PRKN: variants seen among roughly 807,000 people sequenced by gnomAD.
PRKN encodes E3 ubiquitin-protein ligase parkin.
Under a neutral mutation model 59.5 loss-of-function variants are expected in PRKN, and 56 were observed. The ratio of observed to expected loss-of-function variants is 0.94; its 90% CI spans 0.76 to 1.18. The LOEUF is 1.18. Ranked by LOEUF, PRKN falls within the 50% of genes most tolerant of loss-of-function variation. PRKN has a pLI of 0.00. For synonymous variants in PRKN, 250 were observed against 222.1 expected (o/e 1.13, Z -1.12); for missense variants, 657 against 596.4 (o/e 1.10, Z -1.06).
chr6:161,432,208 T>C (rs996579208), intron 9 of PRKN, among the ~76,000 whole-genome samples: 6 of 152,220 alleles, frequency 3.9e-5, no homozygotes, highest in African/African-American at 2.4e-5. Flanking sequence ...TGTGAAATGG[T>C]TAAATGAATA....
intron 1 of PRKN, among the ~76,000 whole-genome samples, chr6:162,706,655 G>C (rs1230493267): frequency 6.6e-6 from 1 of 151,982 alleles, no homozygotes; most frequent in African/African-American, 2.4e-5. Flanking sequence ...GGTAACATGG[G>C]GACCACAATA....
At chr6:162,474,764 T>A (rs1369629319) in intron 1 of PRKN, among the ~76,000 whole-genome samples, 2 of 152,118 alleles carry the variant, frequency 1.3e-5, no homozygotes, top group African/African-American at 2.4e-5. Flanking sequence ...ACTCTGAATA[T>A]CAAGTGATCA....
intron 1 of PRKN, among the ~76,000 whole-genome samples, chr6:162,476,057 C>CTTTTT (rs765988655): frequency 8.8e-6 from 1 of 113,020 alleles, no homozygotes; most frequent in Admixed American, 9.5e-5. Context: ...TAACACCACT[C>CTTTTT]TTTTTTTTTT....
chr6:162,095,079 T>C lies in PRKN; in HGVS notation c.535-40905A>G, dbSNP rs546296668. On this transcript the variant is annotated intron_variant, in intron 4 of 11. Transcript: ENST00000366898. ...AAAAACAAAGAAGGCTGAAGATGGC[T>C]GGGGTGAAGCCATCTTTCTACTGGG... 1.6e-4 allele frequency among the ~76,000 whole-genome samples: 24 copies of C among 152,260 alleles called. No homozygotes were observed. In the South Asian group the frequency reaches 2.9e-3, roughly 18 times the overall value.
intron 9 of PRKN, among the ~76,000 whole-genome samples, chr6:161,500,212 C>T (rs1777907117): frequency 6.6e-6 from 1 of 151,906 alleles, no homozygotes; most frequent in African/African-American, 2.4e-5. Flanking sequence ...AGAGAGCTCC[C>T]CTCTCCCCTC....
Position 162,256,083 on chromosome 6 carries a change from T to C in PRKN, c.412+6442A>G, listed in dbSNP as rs536044257. 6.7e-4 allele frequency among the ~76,000 whole-genome samples: 102 copies of C among 152,194 alleles called. 2 individuals carry two copies. In the South Asian group the frequency reaches 0.02, roughly 29 times the overall value. On this transcript the variant is annotated intron_variant, in intron 3 of 11. Coordinates refer to ENST00000366898, the MANE Select transcript of PRKN (RefSeq NM_004562.3). Reference sequence around the variant, plus strand: ...TGGGGATTGAGGAAGAATTGTAAGATCTTACAGAGCATCAGAGGTATCATT... The same window carrying C: ...TGGGGATTGAGGAAGAATTGTAAGACCTTACAGAGCATCAGAGGTATCATT...
chr6:161,472,796 T>G (rs1790858159), intron 9 of PRKN, among the ~76,000 whole-genome samples: 1 of 151,970 alleles, frequency 6.6e-6, no homozygotes, highest in Non-Finnish European at 1.5e-5. Context: ...TGCCTACAAC[T>G]CAATAGCAAA....
chr6:162,518,151 A>C (rs1032070449), intron 1 of PRKN, among the ~76,000 whole-genome samples: 2 of 152,232 alleles, frequency 1.3e-5, no homozygotes, highest in African/African-American at 2.4e-5. Flanking sequence ...TGGAACACTC[A>C]CATGGTGAGC....
chr6:161,493,605 A>T (rs920543298), intron 9 of PRKN, among the ~76,000 whole-genome samples: 1 of 152,230 alleles, frequency 6.6e-6, no homozygotes. Flanking sequence ...GTGGCAATGA[A>T]CAAAGAAGGG....
intron 2 of PRKN, among the ~76,000 whole-genome samples, chr6:162,417,778 G>T (rs2128157857): frequency 6.6e-6 from 1 of 152,280 alleles, no homozygotes; most frequent in Admixed American, 6.5e-5. Context: ...CTTCTGTTGA[G>T]AAATCAAGAG....
chr6:162,076,874 ACTTT>A (rs1436217209), intron 4 of PRKN, among the ~76,000 whole-genome samples: 1 of 152,160 alleles, frequency 6.6e-6, no homozygotes, highest in Non-Finnish European at 1.5e-5. Context: ...TAAATCATTG[ACTTT>A]CTTAACTTTT....
intron 9 of PRKN, among the ~76,000 whole-genome samples, chr6:161,513,783 C>T (rs556649028): frequency 1.1e-4 from 17 of 152,192 alleles, no homozygotes; most frequent in African/African-American, 2.9e-4. Context: ...TACTTTACAA[C>T]GAGCATGGGA....
At chr6:162,441,704 C>T (rs1790061359) in intron 2 of PRKN, among the ~76,000 whole-genome samples, 1 of 152,168 alleles carries the variant, frequency 6.6e-6, no homozygotes, top group East Asian at 1.9e-4. Flanking sequence ...CTTTTGGATC[C>T]CCTGAGAAGC....
At chr6:162,637,239 A>G (rs1426670765) in intron 1 of PRKN, among the ~76,000 whole-genome samples, 1 of 151,078 alleles carries the variant, frequency 6.6e-6, no homozygotes, top group East Asian at 2.0e-4. Context: ...CCCTGGTGAC[A>G]GTGCAAGACT....
intron 2 of PRKN, among the ~76,000 whole-genome samples, chr6:162,375,929 T>C (rs969942924): frequency 5.9e-5 from 9 of 152,238 alleles, no homozygotes; most frequent in African/African-American, 2.2e-4. Context: ...CCCCTGTCTG[T>C]GCCCTGTGCA....
In PRKN at chr6:161,578,674, C is replaced by T. The variant is rs973596109; in HGVS notation, c.872-9258G>A. 2.6e-5 allele frequency among the ~76,000 whole-genome samples: 4 copies of T among 152,154 alleles called. No individual in the cohort carries two copies. The highest frequency in any genetic ancestry group is 9.7e-5 in the African/African-American group (4 of 41,438). ...TTCCTGTGACACCTCCATGACTGTC[C>T]ACACGATGGTGTCACTTCCTGCACT... On this transcript the variant is annotated intron_variant, in intron 7 of 11. Coordinates refer to ENST00000366898, the MANE Select transcript of PRKN (RefSeq NM_004562.3). This position sits in a 1 kb window ranked among gnomAD's most constrained non-coding sequence, Gnocchi z 4.2.
intron 7 of PRKN, among the ~76,000 whole-genome samples, chr6:161,602,206 C>A (rs1364859143): frequency 6.6e-6 from 1 of 152,114 alleles, no homozygotes; most frequent in Non-Finnish European, 1.5e-5. Context: ...TCTAATCAAC[C>A]AACCATTCAA....
At chr6:162,382,320 A>G (rs1368419934) in intron 2 of PRKN, among the ~76,000 whole-genome samples, 1 of 152,184 alleles carries the variant, frequency 6.6e-6, no homozygotes, top group Non-Finnish European at 1.5e-5. Context: ...AATAATAATG[A>G]AAACTTGAGG....
intron 5 of PRKN, among the ~76,000 whole-genome samples, chr6:162,036,302 C>T (rs1192907969): frequency 2.6e-5 from 4 of 151,774 alleles, no homozygotes; most frequent in South Asian, 4.2e-4. Flanking sequence ...CCAGCCTGGG[C>T]AACAGAGCGA....
Sources: allele counts gnomAD v4.1 joint callset (sites outside exome capture counted in the v4.1 genomes callset), GRCh38; gene constraint gnomAD v4.1.1; non-coding constraint Gnocchi (gnomAD v3.1); transcripts MANE v1.5; gene names NCBI Gene and HGNC (gene_info 2026-07-23, HGNC 2026-07-21).